SATB1: variants seen among roughly 807,000 people sequenced by gnomAD.
SATB1 encodes SATB homeobox 1, also known as DNA-binding protein SATB1.
SATB1 carries 11 observed loss-of-function variants against 86.9 expected under a neutral mutation model. That is an observed-to-expected ratio of 0.13 (90% confidence interval 0.08 to 0.21). SATB1 has a LOEUF of 0.21. Ranked by LOEUF, SATB1 falls within the 10% of genes least tolerant of loss-of-function variation. The pLI is 1.00. For missense variants in SATB1, 551 were observed against 937.6 expected, an observed-to-expected ratio of 0.59 and a Z score of 5.39; for synonymous variants, 357 against 357.2, an observed-to-expected ratio of 1.00 and a Z score of 0.01.
upstream of SATB1, among the ~76,000 whole-genome samples, chr3:18,443,250 C>T (rs1699287234): frequency 6.6e-6 from 1 of 152,200 alleles, no homozygotes. The surrounding 1 kb of genome is among the most constrained non-coding windows in gnomAD (Gnocchi z 4.4). Flanking sequence ...TTACCCTACC[C>T]GCCACCCCCT....
intron 1 of SATB1, chr3:18,445,351 G>A (rs937401164): frequency 2.0e-6 from 2 of 985,104 alleles, no homozygotes; most frequent in Non-Finnish European, 2.4e-6. Context: ...GCGCCGGCCG[G>A]GGTGTGGGGG....
upstream of SATB1, chr3:18,425,360 C>A (rs867414605): frequency 0.011 from 1,713 of 152,086 alleles, 32 homozygotes; most frequent in African/African-American, 0.038. Flanking sequence ...GCGGCGGCGG[C>A]GGAGGAGGAG....
intron 10 of SATB1, 108 bp downstream of exon 10, chr3:18,351,884 A>T: frequency 9.7e-7 from 1 of 1,026,608 alleles, no homozygotes; most frequent in South Asian, 1.4e-5. Flanking sequence ...ATCTCTTGCT[A>T]AAAAGCCTAT....
chr3:18,407,086 C>G (rs965672388), intron 5 of SATB1, among the ~76,000 whole-genome samples: 3 of 151,954 alleles, frequency 2.0e-5, no homozygotes, highest in Non-Finnish European at 4.4e-5. Flanking sequence ...GAGGACAGAA[C>G]CTTGGGTGCT....
chr3:18,363,963 T>C (rs996412911), intron 9 of SATB1, among the ~76,000 whole-genome samples: 3 of 151,592 alleles, frequency 2.0e-5, no homozygotes, highest in African/African-American at 7.3e-5. Flanking sequence ...CTGGAAGGTT[T>C]CTGTTTTGGT....
At chr3:18,359,100 A>G (rs1694788643) in intron 9 of SATB1, among the ~76,000 whole-genome samples, 1 of 152,046 alleles carries the variant, frequency 6.6e-6, no homozygotes, top group African/African-American at 2.4e-5. Context: ...TCATTTTTCA[A>G]TTTTATTTAC....
intron 9 of SATB1, among the ~76,000 whole-genome samples, chr3:18,367,312 TG>T (rs1695234818): frequency 6.6e-6 from 1 of 152,166 alleles, no homozygotes; most frequent in Non-Finnish European, 1.5e-5. Flanking sequence ...ACACTGCAAA[TG>T]ATACTGATGA....
At chr3:18,375,342 AT>A (rs1240183164) in intron 9 of SATB1, among the ~76,000 whole-genome samples, 2 of 152,190 alleles carry the variant, frequency 1.3e-5, no homozygotes, top group African/African-American at 4.8e-5. Flanking sequence ...ATTAATGCAG[AT>A]AATCTATAAT....
intron 2 of SATB1, chr3:18,435,046 C>T (rs1043796609): frequency 2.1e-4 from 32 of 152,038 alleles, no homozygotes; most frequent in African/African-American, 7.2e-4. Flanking sequence ...ATTTCAGAAA[C>T]GGCATGGGGC....
intron 8 of SATB1, among the ~76,000 whole-genome samples, chr3:18,385,916 G>C (rs1696322185): frequency 6.6e-6 from 1 of 152,062 alleles, no homozygotes; most frequent in Non-Finnish European, 1.5e-5. Context: ...CTGCCTTCAA[G>C]GATTTTATTA....
In SATB1 at chr3:18,434,350, C is replaced by T. The variant is rs1461051907; in HGVS notation, c.-25+2439G>A. On this transcript the variant is annotated intron_variant, in intron 2 of 3. Coordinates refer to the SATB1 transcript ENST00000414509. ...GGCATTCTCAATAGATTTGAAAAAT[C>T]CAATTGTTTGGCCAACATCCAAGTA... Among the ~76,000 whole-genome samples the T allele has an allele frequency of 4.0e-5, 6 of 151,722 alleles. No individual in the cohort carries two copies. The East Asian group carries it at 1.2e-3, about 29-fold the overall frequency.
chr3:18,373,707 T>C (rs1695588580), intron 9 of SATB1, among the ~76,000 whole-genome samples: 2 of 152,070 alleles, frequency 1.3e-5, no homozygotes, highest in Non-Finnish European at 2.9e-5. Context: ...TTCCCCTCTC[T>C]CTCATCCTAG....
At chr3:18,388,207 T>A (rs1011715897) in intron 7 of SATB1, among the ~76,000 whole-genome samples, 1 of 152,112 alleles carries the variant, frequency 6.6e-6, no homozygotes, top group Non-Finnish European at 1.5e-5. Flanking sequence ...CTAGTCAATT[T>A]AACTAAAATT....
intron 9 of SATB1, among the ~76,000 whole-genome samples, chr3:18,367,156 T>A (rs1265981934): frequency 6.6e-6 from 1 of 152,236 alleles, no homozygotes; most frequent in Non-Finnish European, 1.5e-5. Flanking sequence ...TCTTTGCAGT[T>A]CCCAATGTTT....
chr3:18,375,484 T>C (rs1202310977), intron 9 of SATB1, among the ~76,000 whole-genome samples: 2 of 152,096 alleles, frequency 1.3e-5, no homozygotes, highest in Non-Finnish European at 2.9e-5. Context: ...TTCACACACA[T>C]TTTGTCTTGG....
At chr3:18,366,682 A>G (rs773304020) in intron 9 of SATB1, among the ~76,000 whole-genome samples, 18 of 152,132 alleles carry the variant, frequency 1.2e-4, no homozygotes, top group Admixed American at 3.9e-4. Flanking sequence ...TCTCTGTATG[A>G]TAATAGGGAG....
chr3:18,372,494 T>C (rs747653151), intron 9 of SATB1, among the ~76,000 whole-genome samples: 2 of 152,196 alleles, frequency 1.3e-5, no homozygotes, highest in Non-Finnish European at 2.9e-5. Context: ...AGGTAGGTAA[T>C]ACCAAGTGTC....
Position 18,422,738 on chromosome 3 carries a change from T to C in SATB1, c.-25+889A>G, listed in dbSNP as rs376588889. On this transcript the variant is annotated intron_variant, in intron 1 of 10. Transcript: ENST00000338745. ...AGAAGATGAATTTTAAAACATATGA[T>C]TTGAAAAGAAAAATCTTTAGCCCTT... is the stretch of plus-strand genomic sequence containing the variant. 4.6e-5 allele frequency among the ~76,000 whole-genome samples: 7 copies of C among 152,262 alleles called. No individual in the cohort carries two copies. The East Asian group carries it at 7.7e-4, about 17-fold the overall frequency.
intron 5 of SATB1, among the ~76,000 whole-genome samples, chr3:18,399,731 C>T (rs574449289): frequency 2.1e-4 from 32 of 152,240 alleles, no homozygotes; most frequent in African/African-American, 6.7e-4. Flanking sequence ...AATCAAAAGG[C>T]TAATCCGTAA....
Sources: allele counts gnomAD v4.1 joint callset (sites outside exome capture counted in the v4.1 genomes callset), GRCh38; gene constraint gnomAD v4.1.1; non-coding constraint Gnocchi (gnomAD v3.1); transcripts MANE v1.5; gene names NCBI Gene and HGNC (gene_info 2026-07-23, HGNC 2026-07-21).